The following DCBLD1 variants were observed in gnomAD, a reference collection of about 807,000 sequenced individuals.
DCBLD1 encodes the protein discoidin, CUB and LCCL domain-containing protein 1.
DCBLD1 carries 57 observed loss-of-function variants against 71.5 expected under a neutral mutation model. That is an observed-to-expected ratio of 0.80 (90% CI 0.64 to 0.99). The LOEUF (loss-of-function observed/expected upper bound fraction) is 0.99, where lower values mean the gene tolerates loss of function less well. DCBLD1 is among the 50% of genes least tolerant of loss of function. The pLI is 0.00. For synonymous variants in DCBLD1, 380 were observed against 363.8 expected, an observed-to-expected ratio of 1.04 and a Z score of -0.51; for missense variants, 891 against 923.5, an observed-to-expected ratio of 0.96 and a Z score of 0.46.
chr6:117,532,465 A>G (rs139989863), intron 6 of DCBLD1, 72 bp downstream of exon 6: 9 of 1,466,358 alleles, frequency 6.1e-6, no homozygotes, highest in Non-Finnish European at 8.1e-6. Context: ...CCAGCTCACA[A>G]CTTTGAAAAG....
At chr6:117,483,260 T>A (rs1776966205) in intron 1 of DCBLD1, among the ~76,000 whole-genome samples, 1 of 152,188 alleles carries the variant, frequency 6.6e-6, no homozygotes, top group Admixed American at 6.5e-5. Flanking sequence ...GAGGGTCGCC[T>A]TAGGGGACAG....
intron 1 of DCBLD1, 85 bp from the exon 2 acceptor site, chr6:117,503,682 C>A: frequency 7.0e-7 from 1 of 1,420,390 alleles, no homozygotes; most frequent in Non-Finnish European, 9.7e-7. Context: ...AAATACATAA[C>A]TTGGAGATTG....
intron 2 of DCBLD1, among the ~76,000 whole-genome samples, chr6:117,512,635 AG>A (rs1281329720): frequency 1.3e-5 from 2 of 152,200 alleles, no homozygotes; most frequent in African/African-American, 2.4e-5. Flanking sequence ...CTCGCCTGGC[AG>A]CCAAATATTC....
At chr6:117,551,812 C>T (rs1053898371), downstream of DCBLD1, among the ~76,000 whole-genome samples, 1 of 152,162 alleles carries the variant, frequency 6.6e-6, no homozygotes, top group East Asian at 1.9e-4. Context: ...GATGCCTCCC[C>T]AACAGGTACA....
At chr6:117,558,436 C>A (rs915470957) in intron 14 of DCBLD1, among the ~76,000 whole-genome samples, 1 of 152,162 alleles carries the variant, frequency 6.6e-6, no homozygotes, top group African/African-American at 2.4e-5. Flanking sequence ...TGGATTTTTT[C>A]CAATTTAATA....
At chr6:117,563,277 G>C (rs758656022) in intron 14 of DCBLD1, 12 of 1,612,988 alleles carry the variant, frequency 7.4e-6, no homozygotes, top group Non-Finnish European at 1.0e-5. Flanking sequence ...TTATGATACA[G>C]AGTGTGCAGA....
At chr6:117,538,986 C>A in intron 8 of DCBLD1, 151 bp downstream of exon 8, 1 of 899,804 alleles carries the variant, frequency 1.1e-6, no homozygotes, top group Non-Finnish European at 1.7e-6. Context: ...TCTTTACATT[C>A]TTTCTGTGAA....
intron 14 of DCBLD1, among the ~76,000 whole-genome samples, chr6:117,547,440 G>A (rs937746524): frequency 6.6e-6 from 1 of 152,128 alleles, no homozygotes; most frequent in Non-Finnish European, 1.5e-5. Context: ...GGGAGCTCCT[G>A]GCATCATCCT....
At chr6:117,510,662 A>T (rs1777990764) in intron 2 of DCBLD1, among the ~76,000 whole-genome samples, 1 of 152,222 alleles carries the variant, frequency 6.6e-6, no homozygotes, top group Non-Finnish European at 1.5e-5. Context: ...GATTATAAGT[A>T]GCTTGATTTT....
At chr6:117,536,308 T>G (rs1238654343) in intron 6 of DCBLD1, among the ~76,000 whole-genome samples, 1 of 152,240 alleles carries the variant, frequency 6.6e-6, no homozygotes, top group Non-Finnish European at 1.5e-5. Context: ...TATCTAATAC[T>G]GTGCACATAA....
chr6:117,501,749 A>G (rs1777667885), intron 1 of DCBLD1, among the ~76,000 whole-genome samples: 1 of 152,208 alleles, frequency 6.6e-6, no homozygotes, highest in African/African-American at 2.4e-5. Context: ...CCTGCACACT[A>G]TGCTTCTCTC....
downstream of DCBLD1, among the ~76,000 whole-genome samples, chr6:117,550,222 T>C (rs1779403963): frequency 6.6e-6 from 1 of 152,128 alleles, no homozygotes; most frequent in Non-Finnish European, 1.5e-5. Context: ...GCACTAGTGA[T>C]CTAATCATGA....
chr6:117,537,077 T>G (rs1437832041), intron 6 of DCBLD1, 108 bp from the exon 7 acceptor site: 1 of 1,053,972 alleles, frequency 9.5e-7, no homozygotes. Flanking sequence ...GAGGATCATG[T>G]AAGGAAGCAC....
At chr6:117,551,817 G>A (rs1779432648), downstream of DCBLD1, among the ~76,000 whole-genome samples, 1 of 152,106 alleles carries the variant, frequency 6.6e-6, no homozygotes, top group African/African-American at 2.4e-5. Flanking sequence ...CTCCCCAACA[G>A]GTACAAGAAA....
chr6:117,525,487 ACT>A, intron 5 of DCBLD1, 53 bp downstream of exon 5: 1 of 1,313,210 alleles, frequency 7.6e-7, no homozygotes, highest in South Asian at 2.1e-5. Flanking sequence ...TAAGTGCTTT[ACT>A]CTGCCTAAAT....
chr6:117,482,797 C>CGCG lies in DCBLD1; in HGVS notation c.26_28dup (p.Gly9dup), dbSNP rs1156860934. 7 of 1,147,318 alleles carry CGCG rather than the reference C, an allele frequency of 6.1e-6. No homozygotes were observed. In the South Asian group the frequency reaches 1.3e-4, roughly 21 times the overall value. 71.1% of individuals were successfully genotyped at this position (1,147,318 alleles called of 1,614,324 possible). A position where few individuals can be genotyped will look rare whatever the true frequency, so the allele number is the denominator to read the frequency against. ...CAGCGGGGTCATGGTGCCCGGCGCCCGCGGCGGCGGCGCACTGGCGCGGGC... is the reference window on the plus strand; with the variant it reads ...CAGCGGGGTCATGGTGCCCGGCGCCCGCGGCGGCGGCGGCGCACTGGCGCGGGC... On this transcript the variant is annotated inframe_insertion, in exon 1 of 15. Coordinates refer to ENST00000338728, the MANE Select transcript of DCBLD1 (RefSeq NM_001366458.2).
chr6:117,482,977 AGGGCTACGGGGCGGGCCGGGCCTG>A (rs1776952475), intron 1 of DCBLD1, 84 bp downstream of exon 1: 2 of 586,884 alleles, frequency 3.4e-6, no homozygotes, highest in Non-Finnish European at 4.0e-6. Context: ...GGCCGGGCCG[AGGGCTACGGGGCGGGCCGGGCCTG>A]GGGGGACGGA....
chr6:117,532,379 T>C lies in DCBLD1; in HGVS notation c.705T>C (p.Gly235=). ...GATATGAAGGGATTCTGGCCAATGG[T>C]GTTCTTTCGAGGGAGTAAGTATTTT... ...ISRYEGILAN[G]VLSRDGSLSD... is the part of the protein sequence containing the mutation. The change falls in exon 6 of 15, where the codon GGT becomes GGC. Residue 235 remains glycine, a synonymous_variant. Transcript: ENST00000338728. The C allele has an allele frequency of 6.2e-7, 1 of 1,608,730 alleles. No homozygotes were observed. The highest frequency in any genetic ancestry group is 8.5e-7 in the Non-Finnish European group (1 of 1,178,400).
At chr6:117,541,077 C>T in intron 11 of DCBLD1, 52 bp downstream of exon 11, 1 of 1,562,674 alleles carries the variant, frequency 6.4e-7, no homozygotes, top group Non-Finnish European at 8.8e-7. Flanking sequence ...GGTAACCCAC[C>T]CAATATCAGT....
Sources: gnomAD v4.1 joint callset for allele counts (sites outside exome capture counted in the v4.1 genomes callset) on GRCh38, gnomAD v4.1.1 for gene constraint, MANE v1.5 for transcripts, NCBI Gene and HGNC (gene_info 2026-07-23, HGNC 2026-07-21) for gene names.